Variants in ACO2 observed in about 807,000 individuals in gnomAD.
ACO2 encodes the protein aconitase 2, also known as aconitate hydratase, mitochondrial.
ACO2 carries 31 observed loss-of-function variants against 84.5 expected under a neutral mutation model. The ratio of observed to expected loss-of-function variants is 0.37; its 90% confidence interval spans 0.28 to 0.50. The LOEUF is 0.50. ACO2 is among the 20% of genes least tolerant of loss of function. The pLI, the probability that ACO2 is intolerant of heterozygous loss-of-function variation, is 0.97. For synonymous variants in ACO2, 414 were observed against 412.7 expected (o/e 1.00, Z -0.04); for missense variants, 685 against 1,029.3 (o/e 0.67, Z 4.58).
Position 41,515,648 on chromosome 22 carries a change from T to C in ACO2, c.684+113T>C. 9 of 1,587,806 alleles carry C rather than the reference T, an allele frequency of 5.7e-6. No individual in the cohort carries two copies. Among genetic ancestry groups the C allele is most frequent in the Non-Finnish European group, 7.7e-6 (9 of 1,164,318 alleles). On this transcript the variant is annotated intron_variant, in intron 5 of 17. Coordinates refer to ENST00000216254, the MANE Select transcript of ACO2 (RefSeq NM_001098.3). This position sits in a 1 kb window ranked among gnomAD's most constrained non-coding sequence, Gnocchi z 5.8. ...AAGGGAACAAGTTAGACTCGAATCT[T>C]CTGGGAGGGAGGTAGAGACCAATAA...
chr22:41,527,813 G>C, intron 16 of ACO2, 88 bp from the exon 17 acceptor site: 2 of 1,596,206 alleles, frequency 1.3e-6, no homozygotes, highest in Non-Finnish European at 8.5e-7. Context: ...AGGATTAGGG[G>C]CATCTCCCAG....
In ACO2 at chr22:41,527,610, G is replaced by A. The variant is rs978915786; in HGVS notation, c.2086+190G>A. ...CGCTCAGCTTCCCGGCTTCCCGCAG[G>A]CCCTGCTTCCAGGCTTGTAGATCTG... On this transcript the variant is annotated intron_variant, in intron 16 of 17. Transcript: ENST00000216254. The A allele has an allele frequency of 1.5e-5, 13 of 885,676 alleles. No individual in the cohort carries two copies. The African/African-American group carries it at 2.2e-4, about 15-fold the overall frequency. 54.9% of individuals were successfully genotyped at this position (885,676 alleles called of 1,614,324 possible). A position where few individuals can be genotyped will look rare whatever the true frequency, so the allele number is the denominator to read the frequency against.
At chr22:41,519,591 G>A (rs2066505384) in intron 8 of ACO2, among the ~76,000 whole-genome samples, 1 of 152,092 alleles carries the variant, frequency 6.6e-6, no homozygotes, top group East Asian at 1.9e-4. Flanking sequence ...AGATCATGAG[G>A]TCAGGAGATT....
intron 8 of ACO2, among the ~76,000 whole-genome samples, chr22:41,519,795 G>A (rs1404233574): frequency 1.4e-5 from 2 of 143,456 alleles, no homozygotes; most frequent in Non-Finnish European, 3.0e-5. Context: ...GCAGCAGAGC[G>A]AGACTCCATC....
intron 6 of ACO2, among the ~76,000 whole-genome samples, chr22:41,516,953 C>G (rs891105401): frequency 1.3e-5 from 2 of 152,020 alleles, no homozygotes; most frequent in South Asian, 4.1e-4. Context: ...TGGTCTCAAA[C>G]TCCTGACCTC....
At chr22:41,505,452 A>G (rs2066386451) in intron 2 of ACO2, among the ~76,000 whole-genome samples, 1 of 151,624 alleles carries the variant, frequency 6.6e-6, no homozygotes, top group Non-Finnish European at 1.5e-5. Context: ...TAATAATAAT[A>G]ATGAAAATGG....
rs189088786 is a variant in ACO2 at position 41,506,965 on chromosome 22, C to T, written c.174-826C>T. Reference sequence around the variant, plus strand: ...TTGAGCCTGGCAGGGAGAGTGGACCCGCGCAGAGCTCAGTCTAGATGGCTG... The same window carrying T: ...TTGAGCCTGGCAGGGAGAGTGGACCTGCGCAGAGCTCAGTCTAGATGGCTG... On this transcript the variant is annotated intron_variant, in intron 2 of 17. Coordinates refer to ENST00000216254, the MANE Select transcript of ACO2 (RefSeq NM_001098.3). Among the ~76,000 whole-genome samples the T allele has an allele frequency of 4.5e-4, 68 of 151,944 alleles. No individual in the cohort carries two copies. The East Asian group carries it at 0.012, about 26-fold the overall frequency.
At position 41,515,243 on chromosome 22, in the gene ACO2, A is replaced by T; in HGVS notation, c.526-134A>T. ...GGCCACCCTGGAGACGGCCTGGATT[A>T]AATGGGGCTGCTCCTACCAGTTCCA... is the stretch of plus-strand genomic sequence containing the variant. On this transcript the variant is annotated intron_variant, in intron 4 of 17. Transcript: ENST00000216254. This position sits in a 1 kb window ranked among gnomAD's most constrained non-coding sequence, Gnocchi z 5.8. The T allele has an allele frequency of 9.3e-7, 1 of 1,070,052 alleles. No homozygotes were observed. The highest frequency in any genetic ancestry group is 1.4e-6 in the Non-Finnish European group (1 of 719,996). 66.3% of individuals were successfully genotyped at this position (1,070,052 alleles called of 1,614,324 possible). A position where few individuals can be genotyped will look rare whatever the true frequency, so the allele number is the denominator to read the frequency against.
intron 2 of ACO2, among the ~76,000 whole-genome samples, chr22:41,501,485 G>GCCACACTT (rs1391748810): frequency 6.6e-6 from 1 of 152,220 alleles, no homozygotes; most frequent in African/African-American, 2.4e-5. Context: ...AGCCTGCACT[G>GCCACACTT]CCACACTTCC....
intron 1 of ACO2, among the ~76,000 whole-genome samples, chr22:41,491,456 A>G (rs2066270703): frequency 6.6e-6 from 1 of 152,224 alleles, no homozygotes; most frequent in African/African-American, 2.4e-5. Flanking sequence ...GAAGGGGGTC[A>G]GGTAACCAAG....
intron 2 of ACO2, among the ~76,000 whole-genome samples, chr22:41,500,703 T>C (rs983713903): frequency 4.6e-5 from 7 of 151,798 alleles, no homozygotes; most frequent in Non-Finnish European, 1.0e-4. Flanking sequence ...TTTATGATTT[T>C]ATGTTATGTT....
In ACO2 at chr22:41,527,950, G is replaced by A. The variant is rs565638362; in HGVS notation, c.2136G>A (p.Pro712=). The A allele has an allele frequency of 1.3e-5, 21 of 1,614,156 alleles. No individual in the cohort carries two copies. Among genetic ancestry groups the A allele is most frequent in the East Asian group, 4.5e-5 (2 of 44,880 alleles). Residue 712 remains proline, a synonymous_variant, in exon 17 of 18, where the codon CCG becomes CCA. Coordinates refer to ENST00000216254, the MANE Select transcript of ACO2 (RefSeq NM_001098.3). ...QGLLPLTFAD[P]ADYNKIHPVD... ...TGCTGCCTCTGACCTTCGCTGACCC[G>A]GCTGACTACAACAAGATTCACCCTG...
intron 3 of ACO2, 100 bp downstream of exon 3, chr22:41,508,149 C>A (rs1601909910): frequency 7.0e-7 from 1 of 1,426,308 alleles, no homozygotes; most frequent in Non-Finnish European, 9.5e-7. Flanking sequence ...TCCAAATTCT[C>A]ACACCTCTTT....
At chr22:41,507,763 G>T (rs915599554) in intron 2 of ACO2, 28 bp from the exon 3 acceptor site, 1 of 1,600,582 alleles carries the variant, frequency 6.2e-7, no homozygotes, top group Admixed American at 1.7e-5. Flanking sequence ...GCTAGCACCA[G>T]GCCACCCTTC....
intron 13 of ACO2, 24 bp downstream of exon 13, chr22:41,524,992 G>A (rs1296636116): frequency 5.0e-6 from 8 of 1,613,988 alleles, no homozygotes; most frequent in Non-Finnish European, 6.8e-6. Flanking sequence ...CCCCCTGCTT[G>A]CTGGTTGCTG....
chr22:41,527,072 AC>A (rs1183830092), intron 15 of ACO2: 3 of 647,000 alleles, frequency 4.6e-6, no homozygotes, highest in Non-Finnish European at 7.8e-6. Flanking sequence ...ACTGCAAACA[AC>A]CACGTGCCTC....
chr22:41,488,354 C>T (rs1425611767), intron 1 of ACO2, among the ~76,000 whole-genome samples: 1 of 152,204 alleles, frequency 6.6e-6, no homozygotes, highest in East Asian at 1.9e-4. Context: ...GCAGTTTAGT[C>T]TGCTTACTGC....
At chr22:41,524,745 T>C (rs2066563595) in intron 12 of ACO2, 101 bp from the exon 13 acceptor site, 1 of 1,562,016 alleles carries the variant, frequency 6.4e-7, no homozygotes, top group Non-Finnish European at 8.8e-7. Flanking sequence ...ACATGGAAAT[T>C]TCCTGGGTTC....
chr22:41,518,243 C>T (rs777092185), intron 7 of ACO2, among the ~76,000 whole-genome samples: 4 of 152,140 alleles, frequency 2.6e-5, no homozygotes, highest in Admixed American at 2.0e-4. Context: ...TTCCAGGACA[C>T]CCTCCCCGGC....
Sources: gnomAD v4.1 joint callset for allele counts (sites outside exome capture counted in the v4.1 genomes callset) on GRCh38, gnomAD v4.1.1 for gene constraint, Gnocchi (gnomAD v3.1) non-coding constraint, MANE v1.5 for transcripts, NCBI Gene and HGNC (gene_info 2026-07-23, HGNC 2026-07-21) for gene names.